The following ALLC variants were observed in gnomAD, a reference collection of about 807,000 sequenced individuals.
The protein encoded by ALLC is allantoicase, also known as probable inactive allantoicase.
In ALLC, 40 loss-of-function variants were observed where a neutral mutation model predicts 45.0. The ratio of observed to expected loss-of-function variants is 0.89; its 90% CI spans 0.69 to 1.16. The LOEUF (loss-of-function observed/expected upper bound fraction) is 1.16, where lower values mean the gene tolerates loss of function less well. Ranked by LOEUF, ALLC falls within the 50% of genes most tolerant of loss-of-function variation. The pLI, the probability that ALLC is intolerant of heterozygous loss-of-function variation, is 0.00. For missense variants in ALLC, 488 were observed against 493.1 expected (o/e 0.99, Z 0.10); for synonymous variants, 176 against 178.1 (o/e 0.99, Z 0.09).
At chr2:3,655,946 G>A (rs578130692), upstream of ALLC, among the ~76,000 whole-genome samples, 189 of 152,034 alleles carry the variant, frequency 1.2e-3, no homozygotes, top group Non-Finnish European at 1.3e-3. Flanking sequence ...CCTGTTGCCC[G>A]CTCCGGTGGG....
intron 7 of ALLC, among the ~76,000 whole-genome samples, chr2:3,687,056 T>A (rs1667349449): frequency 6.6e-6 from 1 of 151,082 alleles, no homozygotes; most frequent in Non-Finnish European, 1.5e-5. Flanking sequence ...TTAAGTATGA[T>A]GTTACCTGTG....
intron 1 of ALLC, among the ~76,000 whole-genome samples, chr2:3,662,209 C>A (rs909569399): frequency 6.6e-6 from 1 of 152,208 alleles, no homozygotes; most frequent in Non-Finnish European, 1.5e-5. Flanking sequence ...GCTGGGCCCA[C>A]CCAGATCGTC....
At chr2:3,658,888 A>AAAAC (rs1408393355) in intron 1 of ALLC, among the ~76,000 whole-genome samples, 5 of 151,986 alleles carry the variant, frequency 3.3e-5, no homozygotes, top group African/African-American at 1.2e-4. Flanking sequence ...AAAAAAAAAA[A>AAAAC]AAAAAAACCT....
chr2:3,658,191 C>CCCCT (rs1666485109), upstream of ALLC: 1 of 152,322 alleles, frequency 6.6e-6, no homozygotes, highest in Non-Finnish European at 1.5e-5. Context: ...CTACCTCAGG[C>CCCCT]CCCTATACAT....
the ALLC span, among the ~76,000 whole-genome samples, chr2:3,653,128 C>T: frequency 4.6e-5 from 7 of 152,178 alleles, no homozygotes; most frequent in East Asian, 1.9e-4. This position sits in a 1 kb window ranked among gnomAD's most constrained non-coding sequence, Gnocchi z 4.1. Flanking sequence ...AGCATTTTGG[C>T]GCTGCTTCAA....
intron 1 of ALLC, among the ~76,000 whole-genome samples, chr2:3,658,659 G>A (rs1199336668): frequency 6.6e-6 from 1 of 152,096 alleles, no homozygotes. Flanking sequence ...CTTGAGTTGA[G>A]GAGTTTGAGA....
At chr2:3,667,738 G>A (rs540820813) in intron 1 of ALLC, among the ~76,000 whole-genome samples, 3 of 152,302 alleles carry the variant, frequency 2.0e-5, no homozygotes, top group Non-Finnish European at 4.4e-5. Flanking sequence ...TGTGGAGTGC[G>A]CATCTAATCC....
At chr2:3,652,506 T>C in the ALLC span, among the ~76,000 whole-genome samples, 1 of 151,884 alleles carries the variant, frequency 6.6e-6, no homozygotes, top group African/African-American at 2.4e-5. Flanking sequence ...ATGTGTTTCC[T>C]AAGGATGGAG....
intron 7 of ALLC, among the ~76,000 whole-genome samples, chr2:3,689,328 C>A (rs1007791076): frequency 6.6e-6 from 1 of 150,694 alleles, no homozygotes; most frequent in African/African-American, 2.4e-5. Flanking sequence ...CTTTCTACTT[C>A]TTTGGTATAG....
the ALLC span, among the ~76,000 whole-genome samples, chr2:3,652,771 G>A: frequency 6.6e-6 from 1 of 151,886 alleles, no homozygotes; most frequent in African/African-American, 2.4e-5. Context: ...TAGTAGAGAT[G>A]GGGTTTCACC....
At chr2:3,648,952 C>T in the ALLC span, among the ~76,000 whole-genome samples, 5 of 152,190 alleles carry the variant, frequency 3.3e-5, no homozygotes, top group East Asian at 5.8e-4. Flanking sequence ...GGGCGGTCGG[C>T]GTGGCAGAGT....
chr2:3,679,567 G>T (rs1204009353), intron 4 of ALLC, among the ~76,000 whole-genome samples: 1 of 152,188 alleles, frequency 6.6e-6, no homozygotes, highest in Non-Finnish European at 1.5e-5. Flanking sequence ...TAAATAATTT[G>T]CCAAGGACAG....
At chr2:3,682,275 CAG>C (rs1341937407) in intron 6 of ALLC, among the ~76,000 whole-genome samples, 1 of 152,164 alleles carries the variant, frequency 6.6e-6, no homozygotes, top group East Asian at 1.9e-4. Context: ...CAGATTTCCC[CAG>C]AGGTCATGGA....
intron 1 of ALLC, among the ~76,000 whole-genome samples, chr2:3,666,223 A>AG (rs1254053715): frequency 2.0e-5 from 3 of 152,192 alleles, no homozygotes; most frequent in Non-Finnish European, 4.4e-5. Flanking sequence ...TTAATTACTT[A>AG]GGCAAAATGC....
intron 6 of ALLC, 113 bp from the exon 7 acceptor site, chr2:3,682,829 T>G: frequency 8.7e-7 from 1 of 1,143,434 alleles, no homozygotes; most frequent in Non-Finnish European, 1.3e-6. Flanking sequence ...CCGGCATCCA[T>G]CATTAATTTT....
At chr2:3,695,069 G>A (rs543306318) in intron 7 of ALLC, 1 of 152,324 alleles carries the variant, frequency 6.6e-6, no homozygotes, top group African/African-American at 2.4e-5. Context: ...AAAAACATAA[G>A]GTTCTCTTGT....
At chr2:3,653,390 G>C (rs973914336), upstream of ALLC, among the ~76,000 whole-genome samples, 2 of 152,216 alleles carry the variant, frequency 1.3e-5, no homozygotes, top group African/African-American at 4.8e-5. The surrounding 1 kb of genome is among the most constrained non-coding windows in gnomAD (Gnocchi z 4.1). Context: ...ATTGTGGCAG[G>C]GTTTGGAGAG....
chr2:3,695,407 T>A, intron 7 of ALLC: 2 of 294,554 alleles, frequency 6.8e-6, no homozygotes, highest in Non-Finnish European at 1.3e-5. Context: ...ACCTGGGGAG[T>A]CAGGCAGTGG....
At chr2:3,653,218 T>C (rs113899513), upstream of ALLC, among the ~76,000 whole-genome samples, 38 of 152,358 alleles carry the variant, frequency 2.5e-4, no homozygotes, top group African/African-American at 8.7e-4. The surrounding 1 kb of genome is among the most constrained non-coding windows in gnomAD (Gnocchi z 4.1). Flanking sequence ...GTGCCCCAAG[T>C]TGGTCATGAG....
Sources: gnomAD v4.1 joint callset for allele counts (sites outside exome capture counted in the v4.1 genomes callset) on GRCh38, gnomAD v4.1.1 for gene constraint, Gnocchi (gnomAD v3.1) non-coding constraint, MANE v1.5 for transcripts, NCBI Gene and HGNC (gene_info 2026-07-23, HGNC 2026-07-21) for gene names.